Variants in TBXAS1 observed in about 807,000 individuals in gnomAD.
TBXAS1 encodes thromboxane A synthase 1.
TBXAS1 carries 48 observed loss-of-function variants against 60.7 expected under a neutral mutation model. The ratio of observed to expected loss-of-function variants is 0.79; its 90% CI spans 0.63 to 1.01. The LOEUF (loss-of-function observed/expected upper bound fraction) is 1.01. Among genes scored for constraint, TBXAS1 ranks in the 50% least tolerant of loss-of-function variants. TBXAS1 has a pLI of 0.00. For synonymous variants in TBXAS1, 287 were observed against 269.7 expected, an observed-to-expected ratio of 1.06 and a Z score of -0.63; for missense variants, 685 against 686.3, an observed-to-expected ratio of 1.00 and a Z score of 0.02.
intron 4 of TBXAS1, among the ~76,000 whole-genome samples, chr7:139,932,399 G>A (rs977567278): frequency 2.0e-5 from 3 of 152,072 alleles, no homozygotes; most frequent in Non-Finnish European, 4.4e-5. Context: ...GTCTCCAGGG[G>A]TGTGGAGCTC....
At chr7:139,862,711 A>C (rs1801056816) in intron 1 of TBXAS1, among the ~76,000 whole-genome samples, 1 of 152,260 alleles carries the variant, frequency 6.6e-6, no homozygotes, top group Admixed American at 6.5e-5. Flanking sequence ...ATAATTGAGA[A>C]TAATGAGTAA....
At chr7:140,007,613 T>A (rs1814194510) in intron 10 of TBXAS1, among the ~76,000 whole-genome samples, 1 of 152,164 alleles carries the variant, frequency 6.6e-6, no homozygotes, top group African/African-American at 2.4e-5. Context: ...GGAGCTGGCA[T>A]TCAGACAGTA....
intron 3 of TBXAS1, among the ~76,000 whole-genome samples, chr7:139,787,137 G>A (rs949253182): frequency 2.6e-4 from 39 of 152,184 alleles, no homozygotes; most frequent in African/African-American, 9.4e-4. Context: ...CAGCTTCAAA[G>A]TGTAAGTTAA....
intron 4 of TBXAS1, among the ~76,000 whole-genome samples, chr7:139,819,494 C>G (rs10277705): frequency 0.68 from 103,803 of 152,088 alleles, 37,310 homozygotes; most frequent in East Asian, 0.92. Context: ...CCCCAACTCT[C>G]TTCTTTTGTT....
At chr7:139,898,725 T>C (rs13232719) in intron 3 of TBXAS1, among the ~76,000 whole-genome samples, 1 of 152,296 alleles carries the variant, frequency 6.6e-6, no homozygotes, top group Non-Finnish European at 1.5e-5. Context: ...CCTGACAAAG[T>C]GGCAGCAGCA....
chr7:139,989,225 G>C (rs7806848), intron 9 of TBXAS1, among the ~76,000 whole-genome samples: 57,626 of 152,026 alleles, frequency 0.38, 11,834 homozygotes, highest in East Asian at 0.78. Flanking sequence ...GACAGTTTTT[G>C]AGCGACTGCT....
At chr7:139,789,006 A>AT (rs71724100) in intron 4 of TBXAS1, among the ~76,000 whole-genome samples, 9,939 of 152,238 alleles carry the variant, frequency 0.065, 1,074 homozygotes, top group African/African-American at 0.23. Context: ...TGCCCACCTT[A>AT]TAAATCATTA....
chr7:139,795,728 C>T (rs941889286), intron 4 of TBXAS1, among the ~76,000 whole-genome samples: 9 of 151,964 alleles, frequency 5.9e-5, no homozygotes, highest in Non-Finnish European at 1.2e-4. Flanking sequence ...TCAGCTTTCC[C>T]TTTCTTAACT....
Position 139,905,051 on chromosome 7 carries a change from CTT to C in TBXAS1, c.237-6172_237-6171del, listed in dbSNP as rs1272859272. 2.6e-3 allele frequency among the ~76,000 whole-genome samples: 221 copies of C among 84,680 alleles called. 1 individual carries two copies. The highest frequency in any genetic ancestry group is 0.012 in the African/African-American group (200 of 16,438). 55.6% of individuals were successfully genotyped at this position (84,680 alleles called of 152,430 possible). ...TCTTTCTTTCTTTCTTTCTTTCTTT[CTT>C]TCTTTCTCTCTCTCTCTCTCTCTTT... On this transcript the variant is annotated intron_variant, in intron 3 of 12. Transcript: ENST00000448866.
chr7:139,888,583 C>T (rs938045215), intron 3 of TBXAS1, among the ~76,000 whole-genome samples: 11 of 152,174 alleles, frequency 7.2e-5, no homozygotes, highest in African/African-American at 2.7e-4. Flanking sequence ...TTGAATTCCC[C>T]TCTTGTACCC....
At chr7:139,863,767 A>G (rs1801143559) in intron 1 of TBXAS1, among the ~76,000 whole-genome samples, 1 of 152,224 alleles carries the variant, frequency 6.6e-6, no homozygotes, top group Admixed American at 6.5e-5. Flanking sequence ...CATAATCAAA[A>G]TATGAGCATA....
rs562329523 is a variant in TBXAS1 at position 139,935,329 on chromosome 7, A to G, written c.334-862A>G. ...ACTTATAATACCTCATACAATGCCT[A>G]CACATCACTTTATGTACATGGATTC... On this transcript the variant is annotated intron_variant, in intron 4 of 12. Coordinates refer to ENST00000448866, the MANE Select transcript of TBXAS1 (RefSeq NM_001061.7). Among the ~76,000 whole-genome samples the G allele has an allele frequency of 2.6e-4, 39 of 152,346 alleles. No individual in the cohort carries two copies. The South Asian group carries it at 7.7e-3, about 30-fold the overall frequency.
chr7:139,908,695 T>C (rs919031709), intron 3 of TBXAS1, among the ~76,000 whole-genome samples: 1 of 152,174 alleles, frequency 6.6e-6, no homozygotes, highest in African/African-American at 2.4e-5. Context: ...AATTTTTGCT[T>C]CAACCATCAA....
At chr7:139,821,705 T>C (rs1798303052) in intron 4 of TBXAS1, among the ~76,000 whole-genome samples, 1 of 152,222 alleles carries the variant, frequency 6.6e-6, no homozygotes, top group African/African-American at 2.4e-5. Context: ...ATTCCACTCT[T>C]CTAGCCAGTC....
intron 4 of TBXAS1, among the ~76,000 whole-genome samples, chr7:139,808,904 T>A (rs1797943877): frequency 1.3e-5 from 2 of 152,030 alleles, no homozygotes; most frequent in Admixed American, 6.6e-5. Flanking sequence ...ACTATTCTTT[T>A]CTCATCTATC....
At chr7:139,968,757 G>A (rs1453493912) in intron 9 of TBXAS1, among the ~76,000 whole-genome samples, 1 of 152,146 alleles carries the variant, frequency 6.6e-6, no homozygotes, top group East Asian at 1.9e-4. Context: ...CAATCTCTTG[G>A]AGAAGTCTCT....
chr7:139,923,357 CAGAG>C (rs1184994476), intron 4 of TBXAS1, among the ~76,000 whole-genome samples: 2 of 151,932 alleles, frequency 1.3e-5, no homozygotes, highest in Non-Finnish European at 2.9e-5. Flanking sequence ...GAGAGAGAAA[CAGAG>C]AGAGATGGCG....
intron 3 of TBXAS1, among the ~76,000 whole-genome samples, chr7:139,907,610 A>G (rs1805206406): frequency 6.6e-6 from 1 of 152,098 alleles, no homozygotes; most frequent in Admixed American, 6.6e-5. Flanking sequence ...AATATTTGGT[A>G]GAATTCTTCA....
At position 139,943,284 on chromosome 7, in the gene TBXAS1, C is replaced by T. The variant is rs575607105; in HGVS notation, c.450+6977C>T. On this transcript the variant is annotated intron_variant, in intron 5 of 12. Coordinates refer to ENST00000448866, the MANE Select transcript of TBXAS1 (RefSeq NM_001061.7). Reference sequence around the variant, plus strand: ...ACATTGGCCTTGCCTGACCAGTTGCCCATTTTCTGGAATAGCTGGGTATTT... The same window carrying T: ...ACATTGGCCTTGCCTGACCAGTTGCTCATTTTCTGGAATAGCTGGGTATTT... Among the ~76,000 whole-genome samples, 4 of 152,290 alleles carry T rather than the reference C, an allele frequency of 2.6e-5. No individual in the cohort carries two copies. In the South Asian group the frequency reaches 8.3e-4, roughly 32 times the overall value.
Sources: gnomAD v4.1 joint callset for allele counts (sites outside exome capture counted in the v4.1 genomes callset) on GRCh38, gnomAD v4.1.1 for gene constraint, MANE v1.5 for transcripts, NCBI Gene and HGNC (gene_info 2026-07-23, HGNC 2026-07-21) for gene names.